FLYWCH2: variants seen among roughly 807,000 people sequenced by gnomAD.
The protein encoded by FLYWCH2 is FLYWCH family member 2.
Under a neutral mutation model 6.0 loss-of-function variants are expected in FLYWCH2, and 2 were observed. The ratio of observed to expected loss-of-function variants is 0.33; its 90% CI spans 0.14 to 1.04. FLYWCH2 has a LOEUF of 1.04. FLYWCH2 is among the 50% of genes least tolerant of loss of function. The pLI is 0.45. For synonymous variants in FLYWCH2, 87 were observed against 79.3 expected (o/e 1.10, Z -0.52); for missense variants, 192 against 183.4 (o/e 1.05, Z -0.27).
At chr16:2,897,092 C>T (rs941378261) in intron 3 of FLYWCH2, among the ~76,000 whole-genome samples, 3 of 152,184 alleles carry the variant, frequency 2.0e-5, no homozygotes, top group Non-Finnish European at 2.9e-5. Flanking sequence ...GGTCTTGGCT[C>T]GCAGCTGTTC....
chr16:2,895,954 G>A (rs1009788490), intron 2 of FLYWCH2, among the ~76,000 whole-genome samples: 1 of 152,228 alleles, frequency 6.6e-6, no homozygotes, highest in Non-Finnish European at 1.5e-5. Context: ...CCTCAACTGT[G>A]ACTGGGTCCA....
chr16:2,895,196 A>C (rs1052190441), intron 1 of FLYWCH2, 24 bp from the exon 2 acceptor site: 8 of 152,290 alleles, frequency 5.3e-5, no homozygotes, highest in African/African-American at 1.9e-4. Context: ...ACAGGGTTAC[A>C]ACCCATCCTT....
intron 1 of FLYWCH2, among the ~76,000 whole-genome samples, chr16:2,889,715 G>A (rs963619717): frequency 6.6e-6 from 1 of 152,122 alleles, no homozygotes; most frequent in Admixed American, 6.6e-5. Context: ...CCGAGAGGCA[G>A]TACAGAGTCC....
At chr16:2,885,675 T>C (rs76272724) in intron 1 of FLYWCH2, among the ~76,000 whole-genome samples, 10,185 of 152,306 alleles carry the variant, frequency 0.067, 472 homozygotes, top group Non-Finnish European at 0.1. Context: ...CCAAATAATA[T>C]TCCATTTTAT....
intron 1 of FLYWCH2, among the ~76,000 whole-genome samples, chr16:2,891,149 C>G (rs56691466): frequency 0.014 from 2,171 of 152,336 alleles, 51 homozygotes; most frequent in African/African-American, 0.048. Context: ...TGACTTCAAG[C>G]ATCTGCTGCC....
At position 2,897,763 on chromosome 16, in the gene FLYWCH2, G is replaced by A. The variant is rs897659019; in HGVS notation, c.322+992G>A. Among the ~76,000 whole-genome samples, 9 of 152,220 alleles carry A rather than the reference G, an allele frequency of 5.9e-5. 1 individual carries two copies. Among genetic ancestry groups the A allele is most frequent in the Admixed American group, 2.6e-4 (4 of 15,288 alleles). ...TCTGGGCTCTACCAGGGCAGGCAGCGGTGGGGGCAGGGCCCTAGGCAGCAG... is the reference window on the plus strand; with the variant it reads ...TCTGGGCTCTACCAGGGCAGGCAGCAGTGGGGGCAGGGCCCTAGGCAGCAG... On this transcript the variant is annotated intron_variant, in intron 3 of 3. Coordinates refer to ENST00000396958, the MANE Select transcript of FLYWCH2 (RefSeq NM_138439.3).
At chr16:2,896,187 A>G (rs571516946) in intron 2 of FLYWCH2, among the ~76,000 whole-genome samples, 165 bp from the exon 3 acceptor site, 1 of 152,292 alleles carries the variant, frequency 6.6e-6, no homozygotes, top group South Asian at 2.1e-4. Flanking sequence ...CAAGGCTGCC[A>G]GGAGAGGAAC....
chr16:2,897,320 C>T (rs1320331115), intron 3 of FLYWCH2, among the ~76,000 whole-genome samples: 1 of 152,160 alleles, frequency 6.6e-6, no homozygotes, highest in Non-Finnish European at 1.5e-5. Context: ...CCTGCTCTCC[C>T]TACCTCCTCT....
intron 1 of FLYWCH2, among the ~76,000 whole-genome samples, chr16:2,887,238 C>G (rs2069708156): frequency 6.6e-6 from 1 of 151,888 alleles, no homozygotes; most frequent in African/African-American, 2.4e-5. Flanking sequence ...CTCCGCCCCA[C>G]TGGCTTAAGC....
At chr16:2,896,851 G>T (rs781054907) in intron 3 of FLYWCH2, 80 bp downstream of exon 3, 1 of 1,320,304 alleles carries the variant, frequency 7.6e-7, no homozygotes, top group East Asian at 2.5e-5. Context: ...TCCATCAGGC[G>T]CTTCTCCCTG....
In FLYWCH2 at chr16:2,899,224, C is replaced by T; in HGVS notation, c.*75C>T. 1.1e-6 allele frequency: 1 copy of T among 914,916 alleles called. No homozygotes were observed. Among genetic ancestry groups the T allele is most frequent in the South Asian group, 1.8e-5 (1 of 56,436 alleles). The allele number at this position is 914,916 out of a possible 1,614,324, so 56.7% of individuals were successfully genotyped here. A position where few individuals can be genotyped will look rare whatever the true frequency, so the allele number is the denominator to read the frequency against. On this transcript the variant is annotated 3_prime_UTR_variant, in exon 4 of 4. Transcript: ENST00000396958. ...TTCTCTGTCCGCAGGGCTTCTGGGG[C>T]CAAATGGGTGAATCTTTGCTTTTAA...
In FLYWCH2 at chr16:2,896,604, C is replaced by T. The variant is rs2069823271; in HGVS notation, c.155C>T (p.Thr52Ile). 6.2e-7 allele frequency: 1 copy of T among 1,614,046 alleles called. No homozygotes were observed. Among genetic ancestry groups the T allele is most frequent in the South Asian group, 1.1e-5 (1 of 91,096 alleles). The change falls in exon 3 of 4, where the codon ACC becomes ATC. Residue 52 changes from threonine to isoleucine, a missense_variant. Transcript: ENST00000396958. Reference protein sequence around the residue: ...LVLLTASKDSTKVAGAKRKGV... With the variant: ...LVLLTASKDSIKVAGAKRKGV... Reference sequence around the variant, plus strand: ...CTGCTCACAGCCTCCAAAGACAGCACCAAGGTGGCGGGGGCCAAGCGCAAG... The same window carrying T: ...CTGCTCACAGCCTCCAAAGACAGCATCAAGGTGGCGGGGGCCAAGCGCAAG...
chr16:2,887,313 C>CTTTTTTTTTT (rs71158114), intron 1 of FLYWCH2, among the ~76,000 whole-genome samples: 38 of 72,510 alleles, frequency 5.2e-4, no homozygotes, highest in African/African-American at 1.4e-3. Flanking sequence ...GCCCGGCTTT[C>CTTTTTTTTTT]TTTTTTTTTT....
chr16:2,899,266 T>TTA lies in FLYWCH2; in HGVS notation c.*118_*119insAT. ...TGCTTTTAACATTGTGTGATTTCTT[T>TTA]TCTTTTTTTTTTTTTTTTTAGATCA... On this transcript the variant is annotated 3_prime_UTR_variant, in exon 4 of 4. Transcript: ENST00000396958. 10 of 502,308 alleles carry TTA rather than the reference T, an allele frequency of 2.0e-5. No individual in the cohort carries two copies. Among genetic ancestry groups the TTA allele is most frequent in the Admixed American group, 4.8e-5 (1 of 20,882 alleles). The allele number at this position is 502,308 out of a possible 1,614,324, so 31.1% of individuals were successfully genotyped here. A position where few individuals can be genotyped will look rare whatever the true frequency, so the allele number is the denominator to read the frequency against.
chr16:2,892,296 A>T (rs1369016603), intron 1 of FLYWCH2, among the ~76,000 whole-genome samples: 1 of 150,446 alleles, frequency 6.6e-6, no homozygotes, highest in Non-Finnish European at 1.5e-5. Context: ...GGAGTTCGAG[A>T]CCAGCTTGGC....
intron 2 of FLYWCH2, 43 bp downstream of exon 2, chr16:2,895,363 A>T (rs1057093683): frequency 6.6e-6 from 1 of 152,414 alleles, no homozygotes; most frequent in African/African-American, 2.4e-5. Context: ...GCGGTGGCTC[A>T]CGCTTGTAAT....
chr16:2,889,534 A>G (rs2069733046), intron 1 of FLYWCH2, among the ~76,000 whole-genome samples: 1 of 123,238 alleles, frequency 8.1e-6, no homozygotes, highest in Non-Finnish European at 1.7e-5. Context: ...AAGAAAAAGC[A>G]CTAGGAAAGA....
chr16:2,894,114 C>T (rs2069790864), intron 1 of FLYWCH2, among the ~76,000 whole-genome samples: 1 of 152,080 alleles, frequency 6.6e-6, no homozygotes, highest in African/African-American at 2.4e-5. Context: ...TATAAGGAGG[C>T]GTGCAGTCTG....
chr16:2,887,320 T>C (rs111423491), intron 1 of FLYWCH2, among the ~76,000 whole-genome samples: 4,375 of 148,064 alleles, frequency 0.03, 249 homozygotes, highest in African/African-American at 0.1. Flanking sequence ...TTTCTTTTTT[T>C]TTTTTTTTTT....
Sources: gnomAD v4.1 joint callset for allele counts (sites outside exome capture counted in the v4.1 genomes callset) on GRCh38, gnomAD v4.1.1 for gene constraint, MANE v1.5 for transcripts, NCBI Gene and HGNC (gene_info 2026-07-23, HGNC 2026-07-21) for gene names.